DOCK10: variants seen among roughly 807,000 people sequenced by gnomAD.
DOCK10 encodes the protein dedicator of cytokinesis 10.
Under a neutral mutation model 280.1 loss-of-function variants are expected in DOCK10, and 145 were observed. That is an observed-to-expected ratio of 0.52 (90% CI 0.45 to 0.59). The LOEUF is 0.59. Ranked by LOEUF, DOCK10 falls within the 20% of genes least tolerant of loss-of-function variation. The pLI is 0.00. For synonymous variants in DOCK10, 915 were observed against 942.2 expected (o/e 0.97, Z 0.53); for missense variants, 2,368 against 2,651.7 (o/e 0.89, Z 2.35).
chr2:224,823,412 C>A, intron 28 of DOCK10, 89 bp downstream of exon 28: 1 of 1,129,158 alleles, frequency 8.9e-7, no homozygotes, highest in Non-Finnish European at 1.2e-6. Context: ...TTTCATCATA[C>A]ATGAAGATGT....
chr2:224,827,127 G>A, intron 27 of DOCK10, among the ~76,000 whole-genome samples: 1 of 152,012 alleles, frequency 6.6e-6, no homozygotes, highest in East Asian at 1.9e-4. Flanking sequence ...GCTGGGTGTG[G>A]TGGCATGCAC....
At chr2:224,767,278 C>T (rs1329592932) in intron 55 of DOCK10, among the ~76,000 whole-genome samples, 1 of 152,110 alleles carries the variant, frequency 6.6e-6, no homozygotes, top group Non-Finnish European at 1.5e-5. Context: ...ACTCTCCTGC[C>T]TCAGCCTCCC....
At chr2:224,834,093 A>C in intron 26 of DOCK10, 57 bp downstream of exon 26, 1 of 987,180 alleles carries the variant, frequency 1.0e-6, no homozygotes, top group South Asian at 1.4e-5. Context: ...ATTTTCCAGG[A>C]GTAAGCGTGA....
intron 15 of DOCK10, among the ~76,000 whole-genome samples, chr2:224,856,346 C>G (rs1697145787): frequency 6.6e-6 from 1 of 152,060 alleles, no homozygotes; most frequent in South Asian, 2.1e-4. Context: ...GCCTATTCTC[C>G]TCTGCTCAGC....
In DOCK10 at chr2:224,886,154, C is replaced by A. The variant is rs755459160; in HGVS notation, c.521G>T (p.Gly174Val). The change falls in exon 6 of 56, where the codon GGT becomes GTT. Residue 174 changes from glycine (G) to valine (V), a missense_variant. Transcript: ENST00000258390. ...AACACCAGTTCCTCCCGCTCCTCCA[C>A]CCCCCTTGGAAGACGAGTGGGAAGT... is the stretch of plus-strand genomic sequence containing the variant. ...DTTSHSSSKG[G>V]GGAGGTGVFK... 4.3e-6 allele frequency: 7 copies of A among 1,613,210 alleles called. No individual in the cohort carries two copies. In the African/African-American group the frequency reaches 9.4e-5, roughly 22 times the overall value.
chr2:224,859,227 G>A (rs16866244), intron 14 of DOCK10, among the ~76,000 whole-genome samples: 5,286 of 152,218 alleles, frequency 0.035, 317 homozygotes, highest in African/African-American at 0.12. Flanking sequence ...GTAGAGATAC[G>A]AGAATGAAAT....
At chr2:224,954,013 T>C (rs1258740557) in intron 1 of DOCK10, among the ~76,000 whole-genome samples, 1 of 152,176 alleles carries the variant, frequency 6.6e-6, no homozygotes, top group Non-Finnish European at 1.5e-5. Flanking sequence ...TACAGGTATA[T>C]AGGCATAAAA....
intron 50 of DOCK10, among the ~76,000 whole-genome samples, chr2:224,779,291 C>T (rs1299193175): frequency 6.6e-6 from 1 of 151,496 alleles, no homozygotes; most frequent in African/African-American, 2.4e-5. Context: ...CCTTGGCTCA[C>T]TGCAACCTCT....
Position 224,786,178 on chromosome 2 carries a change from G to C in DOCK10, c.5655+844C>G, listed in dbSNP as rs544127800. 2.6e-4 allele frequency among the ~76,000 whole-genome samples: 40 copies of C among 152,216 alleles called. No individual in the cohort carries two copies. The highest frequency in any genetic ancestry group is 1.2e-3 in the Admixed American group (19 of 15,272). ...GATCACGCCACTGCACTGCACTCCA[G>C]CCTGGGCTACTGAGCGAGATGATGG... On this transcript the variant is annotated intron_variant, in intron 50 of 55. Coordinates refer to ENST00000258390, the MANE Select transcript of DOCK10 (RefSeq NM_014689.3). The surrounding 1 kb of genome is among the most constrained non-coding windows in gnomAD (Gnocchi z 4.7).
intron 24 of DOCK10, among the ~76,000 whole-genome samples, chr2:224,838,202 T>C (rs959941308): frequency 6.6e-6 from 1 of 152,224 alleles, no homozygotes; most frequent in Non-Finnish European, 1.5e-5. Flanking sequence ...TAATTAAAAT[T>C]TTAGACTTTT....
chr2:225,008,783 C>T (rs1575162689), intron 1 of DOCK10, among the ~76,000 whole-genome samples: 3 of 152,174 alleles, frequency 2.0e-5, no homozygotes, highest in South Asian at 4.1e-4. Flanking sequence ...TCCACTGAAT[C>T]GTCCTTAGTA....
intron 1 of DOCK10, among the ~76,000 whole-genome samples, chr2:225,000,790 G>T (rs533433325): frequency 8.2e-4 from 125 of 152,270 alleles, no homozygotes; most frequent in Non-Finnish European, 1.5e-3. Context: ...GACCAGTCTG[G>T]CCTGGTGAAA....
At position 225,042,035 on chromosome 2, in the gene DOCK10, GCGTGCACAAACGCGCCCC is replaced by G. The variant is rs1441612783; in HGVS notation, c.123+199_123+216del. ...ACGCAGCTGCTCCTCTGAGCGTCCCGCGTGCACAAACGCGCCCCCGGTCCTTACGCGTCGGTGGCGCTG... is the reference window on the plus strand; with the variant it reads ...ACGCAGCTGCTCCTCTGAGCGTCCCGCGGTCCTTACGCGTCGGTGGCGCTG... On this transcript the variant is annotated intron_variant, in intron 1 of 55. Coordinates refer to ENST00000258390, the MANE Select transcript of DOCK10 (RefSeq NM_014689.3). The surrounding 1 kb of genome is among the most constrained non-coding windows in gnomAD (Gnocchi z 5.1). Among the ~76,000 whole-genome samples, 1 of 152,192 alleles carries G rather than the reference GCGTGCACAAACGCGCCCC, an allele frequency of 6.6e-6. No individual in the cohort carries two copies. Among genetic ancestry groups the G allele is most frequent in the Admixed American group, 6.5e-5 (1 of 15,290 alleles).
At chr2:224,851,812 G>A (rs537172186) in intron 18 of DOCK10, among the ~76,000 whole-genome samples, 47 of 152,116 alleles carry the variant, frequency 3.1e-4, no homozygotes, top group South Asian at 8.3e-4. Flanking sequence ...ATGCCATCCC[G>A]TTGCAGCTTT....
At chr2:224,986,928 T>C (rs568637835) in intron 1 of DOCK10, among the ~76,000 whole-genome samples, 1 of 152,304 alleles carries the variant, frequency 6.6e-6, no homozygotes, top group Non-Finnish European at 1.5e-5. Flanking sequence ...AGGCTCTTAA[T>C]TCCCCCAGGT....
intron 17 of DOCK10, 91 bp downstream of exon 17, chr2:224,852,844 T>C (rs977151527): frequency 2.7e-5 from 30 of 1,114,412 alleles, no homozygotes; most frequent in Non-Finnish European, 3.3e-5. Flanking sequence ...TGTTGCCCCA[T>C]AGTAATTTGT....
At chr2:224,884,897 T>C (rs1465241603) in intron 7 of DOCK10, among the ~76,000 whole-genome samples, 1 of 152,240 alleles carries the variant, frequency 6.6e-6, no homozygotes, top group Non-Finnish European at 1.5e-5. Flanking sequence ...GTTCTCTACA[T>C]GGCAGCAAAC....
intron 1 of DOCK10, among the ~76,000 whole-genome samples, chr2:225,020,392 G>C (rs1271718475): frequency 6.6e-6 from 1 of 152,120 alleles, no homozygotes; most frequent in Non-Finnish European, 1.5e-5. Flanking sequence ...AAGCAGTAGA[G>C]GAATAATGAG....
intron 52 of DOCK10, among the ~76,000 whole-genome samples, chr2:224,774,502 CG>C (rs1452282235): frequency 6.6e-6 from 1 of 152,198 alleles, no homozygotes; most frequent in Non-Finnish European, 1.5e-5. Context: ...CATCTGCATT[CG>C]TTTTACAGAT....
Sources: allele counts gnomAD v4.1 joint callset (sites outside exome capture counted in the v4.1 genomes callset), GRCh38; gene constraint gnomAD v4.1.1; non-coding constraint Gnocchi (gnomAD v3.1); transcripts MANE v1.5; gene names NCBI Gene and HGNC (gene_info 2026-07-23, HGNC 2026-07-21).